PRKCSH: variants seen among roughly 807,000 people sequenced by gnomAD.
The protein encoded by PRKCSH is glucosidase 2 subunit beta.
PRKCSH carries 42 observed loss-of-function variants against 79.7 expected under a neutral mutation model. The observed-to-expected ratio is 0.53, with a 90% CI of 0.41 to 0.68. PRKCSH has a LOEUF of 0.68. Among genes scored for constraint, PRKCSH ranks in the 30% least tolerant of loss-of-function variants. The pLI is 0.00. For synonymous variants in PRKCSH, 325 were observed against 288.2 expected (o/e 1.13, Z -1.29); for missense variants, 686 against 709.0 (o/e 0.97, Z 0.37).
intron 2 of PRKCSH, 49 bp downstream of exon 2, chr19:11,436,245 A>C (rs368003231): frequency 3.7e-6 from 6 of 1,601,920 alleles, no homozygotes; most frequent in Non-Finnish European, 4.3e-6. Flanking sequence ...GGGAGGGGCC[A>C]ACATTGGGCC....
chr19:11,440,723 G>T (rs1214393079), intron 5 of PRKCSH, among the ~76,000 whole-genome samples: 1 of 152,154 alleles, frequency 6.6e-6, no homozygotes, highest in Non-Finnish European at 1.5e-5. Flanking sequence ...AAAGTGCTGG[G>T]ATTACAGGCA....
At position 11,449,315 on chromosome 19, in the gene PRKCSH, C is replaced by G; in HGVS notation, c.1511C>G (p.Pro504Arg). 2.5e-6 allele frequency: 4 copies of G among 1,613,660 alleles called. No homozygotes were observed. The highest frequency in any genetic ancestry group is 3.4e-6 in the Non-Finnish European group (4 of 1,179,976). ...KETMVTSTTE[P>R]SRCEYLMELM... ...ACCATGGTGACCAGCACCACAGAGC[C>G]CAGTCGCTGCGAGTACCTCATGGAG... Residue 504 changes from proline (P) to arginine (R), a missense_variant, in exon 17 of 18, where the codon CCC (proline) becomes CGC (arginine). Coordinates refer to ENST00000677123, the MANE Select transcript of PRKCSH (RefSeq NM_001289104.2). The surrounding 1 kb of genome is among the most constrained non-coding windows in gnomAD (Gnocchi z 6.4).
intron 9 of PRKCSH, among the ~76,000 whole-genome samples, chr19:11,446,771 G>A (rs554477359): frequency 1.3e-5 from 2 of 152,092 alleles, no homozygotes; most frequent in African/African-American, 4.8e-5. Context: ...CTCTCCCTTG[G>A]AGGGCCTGGC....
chr19:11,437,857 C>T lies in PRKCSH; in HGVS notation c.197-19C>T, dbSNP rs750802538. 6 of 1,611,890 alleles carry T rather than the reference C, an allele frequency of 3.7e-6. No individual in the cohort carries two copies. In the African/African-American group the frequency reaches 5.3e-5, roughly 14 times the overall value. On this transcript the variant is annotated intron_variant, in intron 3 of 17. Transcript: ENST00000677123. ...CCCTGAGCTGACTCCGAAAACCTTC[C>T]CTCCCTTCTTCCTCACAGGCACGGC... is the stretch of plus-strand genomic sequence containing the variant.
rs763298472 is a variant in PRKCSH at position 11,449,392 on chromosome 19, G to T, written c.1588G>T (p.Asp530Tyr). 2.5e-6 allele frequency: 4 copies of T among 1,613,300 alleles called. No homozygotes were observed. In the Admixed American group the frequency reaches 5.0e-5, roughly 20 times the overall value. Residue 530 changes from aspartate to tyrosine, a missense_variant, in exon 17 of 18, where the codon GAC (aspartate) becomes TAC (tyrosine). By Grantham distance (160) the Asp-to-Tyr change is radical (BLOSUM62 -3). Around this residue, in one of 2 missense-constraint regions of PRKCSH, gnomAD observed 137 missense variants for 188.8 expected, o/e 0.73. Coordinates refer to ENST00000677123, the MANE Select transcript of PRKCSH (RefSeq NM_001289104.2). The surrounding 1 kb of genome is among the most constrained non-coding windows in gnomAD (Gnocchi z 6.4). ...PEPPPEAPTE[D>Y]DHDEL is the part of the protein sequence containing the mutation. Reference sequence around the variant, plus strand: ...GCCACCGCCTGAAGCACCCACCGAAGACGACCATGACGAGCTCTAGCTGGA... The same window carrying T: ...GCCACCGCCTGAAGCACCCACCGAATACGACCATGACGAGCTCTAGCTGGA...
chr19:11,446,754 C>A (rs890207314), intron 9 of PRKCSH, among the ~76,000 whole-genome samples: 5 of 152,106 alleles, frequency 3.3e-5, no homozygotes, highest in Non-Finnish European at 5.9e-5. Flanking sequence ...GCAGCCTGGG[C>A]CTTGGCCTCT....
intron 7 of PRKCSH, among the ~76,000 whole-genome samples, chr19:11,443,941 A>C (rs973743630): frequency 9.9e-5 from 15 of 151,972 alleles, no homozygotes; most frequent in African/African-American, 3.6e-4. Flanking sequence ...ACAGCCGGCT[A>C]ATTTTTGTAG....
intron 7 of PRKCSH, 116 bp from the exon 8 acceptor site, chr19:11,445,273 G>A: frequency 1.1e-6 from 1 of 922,100 alleles, no homozygotes; most frequent in Non-Finnish European, 1.7e-6. Context: ...TGTCCTCAGG[G>A]TCCAGCATGG....
chr19:11,449,537 C>T lies in PRKCSH; in HGVS notation c.*16+109C>T. On this transcript the variant is annotated intron_variant, in intron 17 of 17. Transcript: ENST00000677123. The surrounding 1 kb of genome is among the most constrained non-coding windows in gnomAD (Gnocchi z 6.4). ...TCTATCAACCTGTGTCCCCATGTTC[C>T]CTGCTTTTTTGTTTTGTTTTTTTGA... 1 of 1,455,046 alleles carries T rather than the reference C, an allele frequency of 6.9e-7. No individual in the cohort carries two copies. Among genetic ancestry groups the T allele is most frequent in the Non-Finnish European group, 9.4e-7 (1 of 1,058,820 alleles). 90.1% of individuals were successfully genotyped at this position (1,455,046 alleles called of 1,614,324 possible). A position where few individuals can be genotyped will look rare whatever the true frequency, so the allele number is the denominator to read the frequency against.
Position 11,447,365 on chromosome 19 carries a change from T to C in PRKCSH, c.850-74T>C. ...GGGCAGAGACACCGAGGCTGCCCCT[T>C]GGGCTGTGGTGTGAGCCTGAGGGTG... On this transcript the variant is annotated intron_variant, in intron 10 of 17. Coordinates refer to ENST00000677123, the MANE Select transcript of PRKCSH (RefSeq NM_001289104.2). The surrounding 1 kb of genome is among the most constrained non-coding windows in gnomAD (Gnocchi z 5.6). 6.6e-7 allele frequency: 1 copy of C among 1,523,258 alleles called. No homozygotes were observed. Among genetic ancestry groups the C allele is most frequent in the Non-Finnish European group, 9.0e-7 (1 of 1,107,688 alleles). The allele number at this position is 1,523,258 out of a possible 1,614,324, so 94.4% of individuals were successfully genotyped here.
chr19:11,447,031 C>T lies in PRKCSH; in HGVS notation c.763-43C>T, dbSNP rs1333894671. 1.3e-6 allele frequency: 2 copies of T among 1,593,242 alleles called. No individual in the cohort carries two copies. Among genetic ancestry groups the T allele is most frequent in the Non-Finnish European group, 1.7e-6 (2 of 1,161,174 alleles). On this transcript the variant is annotated intron_variant, in intron 9 of 17. Transcript: ENST00000677123. This position sits in a 1 kb window ranked among gnomAD's most constrained non-coding sequence, Gnocchi z 5.6. ...GTGCCGGGGTGGCCGAGATGGGGGA[C>T]ACGTGGTGGCCTAGATCTTGACACC...
In PRKCSH at chr19:11,449,227, C is replaced by T. The variant is rs1970471832; in HGVS notation, c.1462-39C>T. 2.5e-6 allele frequency: 4 copies of T among 1,613,518 alleles called. No individual in the cohort carries two copies. In the African/African-American group the frequency reaches 4.0e-5, roughly 16 times the overall value. On this transcript the variant is annotated intron_variant, in intron 16 of 17. Transcript: ENST00000677123. This position sits in a 1 kb window ranked among gnomAD's most constrained non-coding sequence, Gnocchi z 6.4. ...GGGGCGGGGAGACCCAGGCCTGGCC[C>T]AGCCGAACCCTCTCGAGCACCCGTC...
chr19:11,448,115 C>T lies in PRKCSH; in HGVS notation c.1127-107C>T. On this transcript the variant is annotated intron_variant, in intron 12 of 17. Transcript: ENST00000677123. This position sits in a 1 kb window ranked among gnomAD's most constrained non-coding sequence, Gnocchi z 4.4. ...AGGCTGTCGGGGTGAAGTCCTTGGCCAGAGCAAAATGAGGGTATGGGAGCA... is the reference window on the plus strand; with the variant it reads ...AGGCTGTCGGGGTGAAGTCCTTGGCTAGAGCAAAATGAGGGTATGGGAGCA... 1 of 1,252,092 alleles carries T rather than the reference C, an allele frequency of 8.0e-7. No homozygotes were observed. Among genetic ancestry groups the T allele is most frequent in the Non-Finnish European group, 1.1e-6 (1 of 875,858 alleles). 77.6% of individuals were successfully genotyped at this position (1,252,092 alleles called of 1,614,324 possible).
At chr19:11,441,039 G>T in intron 5 of PRKCSH, 2 of 595,506 alleles carry the variant, frequency 3.4e-6, no homozygotes, top group Non-Finnish European at 3.1e-6. Context: ...GACCCCAGGG[G>T]CTTACAGAAC....
chr19:11,446,650 C>T (rs1373960293), intron 9 of PRKCSH, among the ~76,000 whole-genome samples: 1 of 151,426 alleles, frequency 6.6e-6, no homozygotes, highest in Non-Finnish European at 1.5e-5. Flanking sequence ...CCCTCGTCCC[C>T]TGTCTGTCTC....
At chr19:11,445,559 A>T in intron 8 of PRKCSH, 86 bp downstream of exon 8, 1 of 1,356,470 alleles carries the variant, frequency 7.4e-7, no homozygotes, top group Non-Finnish European at 1.0e-6. Flanking sequence ...AACCAGCCAG[A>T]TCCTCCTTGG....
Position 11,448,625 on chromosome 19 carries a change from A to C in PRKCSH, c.1282A>C (p.Asn428His), listed in dbSNP as rs1970438930. 1 of 1,613,796 alleles carries C rather than the reference A, an allele frequency of 6.2e-7. No individual in the cohort carries two copies. Among genetic ancestry groups the C allele is most frequent in the Non-Finnish European group, 8.5e-7 (1 of 1,179,670 alleles). ...CAGCCAGTGCTACGAGCTCACCACCAACGAGTGCGTCCCAGGAATGCAGGG... is the reference window on the plus strand; with the variant it reads ...CAGCCAGTGCTACGAGCTCACCACCCACGAGTGCGTCCCAGGAATGCAGGG... ...LYSQCYELTT[N>H]EYVYRLCPFK... Residue 428 changes from asparagine (N) to histidine (H), a missense_variant, in exon 14 of 18, where the codon AAC becomes CAC. Coordinates refer to ENST00000677123, the MANE Select transcript of PRKCSH (RefSeq NM_001289104.2). This position sits in a 1 kb window ranked among gnomAD's most constrained non-coding sequence, Gnocchi z 4.4.
chr19:11,438,094 A>T lies in PRKCSH; in HGVS notation c.320A>T (p.Asn107Ile). The T allele has an allele frequency of 6.2e-7, 1 of 1,614,156 alleles. No individual in the cohort carries two copies. Among genetic ancestry groups the T allele is most frequent in the Non-Finnish European group, 8.5e-7 (1 of 1,180,018 alleles). ...TGCTGCGATGGAACAGACGAGTACA[A>T]CAGCGGCGTCATCTGTGAGAACACC... ...CDCCDGTDEY[N>I]SGVICENTCK... The change falls in exon 5 of 18, where the codon AAC becomes ATC. Residue 107 changes from asparagine to isoleucine, a missense_variant. Asn to Ile is a moderately radical substitution (Grantham distance 149). This residue lies in a region of PRKCSH where 549 missense variants were observed against 520.2 expected (regional missense o/e 1.06). Transcript: ENST00000677123.
chr19:11,450,764 G>C lies in PRKCSH; in HGVS notation c.*135G>C, dbSNP rs1379843085. The C allele has an allele frequency of 1.3e-5, 2 of 152,300 alleles. No individual in the cohort carries two copies. Among genetic ancestry groups the C allele is most frequent in the East Asian group, 1.9e-4 (1 of 5,182 alleles). 9.4% of individuals were successfully genotyped at this position (152,300 alleles called of 1,614,324 possible). On this transcript the variant is annotated 3_prime_UTR_variant, in exon 18 of 18. Transcript: ENST00000677123. The stretch of plus-strand genomic sequence containing the variant: ...GGACCTTTGTGGGGCTTCGTGCCCT[G>C]CTCTGGGGCCCAGGCGGGGCTGGTC...
Sources: gnomAD v4.1 joint callset for allele counts (sites outside exome capture counted in the v4.1 genomes callset) on GRCh38, gnomAD v4.1.1 for gene constraint, gnomAD v4.1.1 regional missense constraint, Gnocchi (gnomAD v3.1) non-coding constraint, MANE v1.5 for transcripts, NCBI Gene and HGNC (gene_info 2026-07-23, HGNC 2026-07-21) for gene names.